The following DAB1 variants were observed in gnomAD, a reference collection of about 807,000 sequenced individuals.
DAB1 encodes the protein disabled homolog 1.
In DAB1, 15 loss-of-function variants were observed where a neutral mutation model predicts 64.6. The ratio of observed to expected loss-of-function variants is 0.23; its 90% CI spans 0.16 to 0.36. DAB1 has a LOEUF of 0.36. Ranked by LOEUF, DAB1 falls within the 10% of genes least tolerant of loss-of-function variation. The pLI is 1.00. For synonymous variants in DAB1, 235 were observed against 251.9 expected (o/e 0.93, Z 0.64); for missense variants, 596 against 706.7 (o/e 0.84, Z 1.78).
At chr1:57,775,823 A>T (rs1382062790) in intron 6 of DAB1, among the ~76,000 whole-genome samples, 2 of 151,590 alleles carry the variant, frequency 1.3e-5, no homozygotes, top group East Asian at 3.9e-4. Flanking sequence ...ATTTAACGGT[A>T]ATCTTGTTAT....
At chr1:58,107,330 G>A (rs891877464) in intron 5 of DAB1, among the ~76,000 whole-genome samples, 1 of 150,752 alleles carries the variant, frequency 6.6e-6, no homozygotes, top group African/African-American at 2.4e-5. Context: ...AAGTAGCTGG[G>A]CGTGGTGGTG....
intron 1 of DAB1, among the ~76,000 whole-genome samples, chr1:57,380,035 T>C (rs1681240564): frequency 6.6e-6 from 1 of 152,236 alleles, no homozygotes; most frequent in African/African-American, 2.4e-5. Context: ...GTTTCTATTA[T>C]TTTGTCAATA....
At chr1:57,502,080 G>A (rs1319522617) in intron 7 of DAB1, among the ~76,000 whole-genome samples, 1 of 152,034 alleles carries the variant, frequency 6.6e-6, no homozygotes, top group Non-Finnish European at 1.5e-5. Context: ...CAGCACTTTG[G>A]GAGGCCGAGG....
chr1:58,262,982 A>G (rs963823518), intron 4 of DAB1, among the ~76,000 whole-genome samples: 5 of 152,244 alleles, frequency 3.3e-5, no homozygotes, highest in Admixed American at 3.3e-4. Context: ...TGAATATGTA[A>G]CATGAGCGAG....
Position 58,195,935 on chromosome 1 carries a change from GAAGTT to G in DAB1, n.310-45352_310-45348del, listed in dbSNP as rs1312204478. Among the ~76,000 whole-genome samples the G allele has an allele frequency of 2.6e-4, 39 of 152,206 alleles. 1 individual carries two copies. Among genetic ancestry groups the G allele is most frequent in the Non-Finnish European group, 7.3e-5 (5 of 68,030 alleles). On this transcript the variant is annotated intron_variant and non_coding_transcript_variant, in intron 4 of 20. Coordinates refer to the DAB1 transcript ENST00000485760. ...CAAGCTCATAAAGCTAGCATGCAGT[GAAGTT>G]GAGATTTTAATCAAACTCAGAAACT...
At chr1:57,336,339 C>G (rs1677075205) in intron 1 of DAB1, among the ~76,000 whole-genome samples, 1 of 152,082 alleles carries the variant, frequency 6.6e-6, no homozygotes, top group Non-Finnish European at 1.5e-5. Flanking sequence ...AACAGAGAAC[C>G]AAATAAAAGG....
intron 4 of DAB1, among the ~76,000 whole-genome samples, chr1:58,224,987 T>C: frequency 6.6e-6 from 1 of 151,752 alleles, no homozygotes; most frequent in Non-Finnish European, 1.5e-5. Flanking sequence ...AAAGAGCTTC[T>C]GCACAGCAAA....
At chr1:57,827,578 C>T (rs1191823304) in intron 1 of DAB1, among the ~76,000 whole-genome samples, 1 of 152,138 alleles carries the variant, frequency 6.6e-6, no homozygotes, top group Non-Finnish European at 1.5e-5. Flanking sequence ...CCAGGAGTGC[C>T]AGGCAATACT....
chr1:57,541,072 A>C (rs1305677740), intron 7 of DAB1, among the ~76,000 whole-genome samples: 1 of 152,206 alleles, frequency 6.6e-6, no homozygotes, highest in Non-Finnish European at 1.5e-5. Flanking sequence ...ATATATCAAA[A>C]TATGACATGT....
intron 2 of DAB1, among the ~76,000 whole-genome samples, chr1:57,249,172 A>C (rs1000051552): frequency 2.0e-5 from 3 of 152,180 alleles, no homozygotes; most frequent in Non-Finnish European, 4.4e-5. Flanking sequence ...CAAATAGTCA[A>C]AGTAGCACAG....
At position 57,789,921 on chromosome 1, in the gene DAB1, G is replaced by A. The variant is rs78488654; in HGVS notation, n.551+94078C>T. Among the ~76,000 whole-genome samples the A allele has an allele frequency of 9.0e-3, 1,366 of 152,270 alleles. 120 individuals are homozygous for A. The East Asian group carries it at 0.21, about 23-fold the overall frequency. On this transcript the variant is annotated intron_variant and non_coding_transcript_variant, in intron 6 of 20. Transcript: ENST00000485760. ...TGTGACCTGCCAAGGTGTGGCAGAGGTCGAGCAGTGTAGAGTGTACCACAC... is the reference window on the plus strand; with the variant it reads ...TGTGACCTGCCAAGGTGTGGCAGAGATCGAGCAGTGTAGAGTGTACCACAC...
At chr1:58,279,241 A>T (rs1450615857) in intron 4 of DAB1, among the ~76,000 whole-genome samples, 1 of 152,240 alleles carries the variant, frequency 6.6e-6, no homozygotes, top group African/African-American at 2.4e-5. Flanking sequence ...AGACAATAAA[A>T]GATAATGCCA....
chr1:57,549,316 C>T (rs965499730), intron 7 of DAB1, among the ~76,000 whole-genome samples: 1 of 152,186 alleles, frequency 6.6e-6, no homozygotes, highest in African/African-American at 2.4e-5. Context: ...CAATGTCTGA[C>T]ACATAGTAGG....
chr1:58,539,970 C>T (rs1341315507), intron 1 of DAB1, among the ~76,000 whole-genome samples: 1 of 152,082 alleles, frequency 6.6e-6, no homozygotes, highest in African/African-American at 2.4e-5. Flanking sequence ...CAGAGAATCC[C>T]CCTCCCATAT....
In DAB1 at chr1:57,979,411, T is replaced by C. The variant is rs886386071; in HGVS notation, n.388-95249A>G. ...GGGGAACATCACAGACCAGGGCCTATGGGGGATGGGGGGCTAGGGGAGGGA... is the reference window on the plus strand; with the variant it reads ...GGGGAACATCACAGACCAGGGCCTACGGGGGATGGGGGGCTAGGGGAGGGA... On this transcript the variant is annotated intron_variant and non_coding_transcript_variant, in intron 5 of 20. Coordinates refer to the DAB1 transcript ENST00000485760. 8.6e-5 allele frequency among the ~76,000 whole-genome samples: 13 copies of C among 150,718 alleles called. 1 individual carries two copies. The highest frequency in any genetic ancestry group is 2.6e-4 in the Admixed American group (4 of 15,176).
At chr1:58,182,732 A>C (rs894840735) in intron 4 of DAB1, among the ~76,000 whole-genome samples, 1 of 151,804 alleles carries the variant, frequency 6.6e-6, no homozygotes, top group African/African-American at 2.4e-5. Context: ...GTTTGCTTTC[A>C]CCTTTGAACA....
intron 6 of DAB1, among the ~76,000 whole-genome samples, chr1:57,819,191 C>T (rs1034292180): frequency 3.3e-5 from 5 of 152,176 alleles, no homozygotes; most frequent in South Asian, 2.1e-4. Context: ...TATCCCCAGC[C>T]GCAGTTTGTG....
At chr1:57,784,989 T>C (rs1340470129) in intron 6 of DAB1, among the ~76,000 whole-genome samples, 4 of 152,174 alleles carry the variant, frequency 2.6e-5, no homozygotes, top group African/African-American at 2.4e-5. Flanking sequence ...CTTACTCTTT[T>C]GTTTGAGGCT....
At chr1:58,524,177 TA>T (rs1389321355) in intron 2 of DAB1, among the ~76,000 whole-genome samples, 1 of 152,246 alleles carries the variant, frequency 6.6e-6, no homozygotes, top group Non-Finnish European at 1.5e-5. Context: ...TGCTCATTAA[TA>T]AATGTCCTTT....
Sources: allele counts gnomAD v4.1 joint callset (sites outside exome capture counted in the v4.1 genomes callset), GRCh38; gene constraint gnomAD v4.1.1; transcripts MANE v1.5; gene names NCBI Gene and HGNC (gene_info 2026-07-23, HGNC 2026-07-21).